The following ATP6V1A variants were observed in gnomAD, a reference collection of about 807,000 sequenced individuals.
The protein encoded by ATP6V1A is ATPase H+ transporting V1 subunit A.
Under a neutral mutation model 70.1 loss-of-function variants are expected in ATP6V1A, and 18 were observed. The ratio of observed to expected loss-of-function variants is 0.26; its 90% CI spans 0.18 to 0.38. The LOEUF (loss-of-function observed/expected upper bound fraction) is 0.38. Ranked by LOEUF, ATP6V1A falls within the 10% of genes least tolerant of loss-of-function variation. ATP6V1A has a pLI of 1.00. For missense variants in ATP6V1A, 424 were observed against 772.4 expected, an observed-to-expected ratio of 0.55 and a Z score of 5.35; for synonymous variants, 232 against 253.8, an observed-to-expected ratio of 0.91 and a Z score of 0.82.
intron 5 of ATP6V1A, 135 bp downstream of exon 5, chr3:113,784,968 GT>G (rs1034359132): frequency 3.3e-5 from 31 of 938,202 alleles, no homozygotes; most frequent in Non-Finnish European, 4.5e-5. Flanking sequence ...ATTTTTGAAA[GT>G]TTTTGTTTGT....
intron 1 of ATP6V1A, among the ~76,000 whole-genome samples, chr3:113,760,959 C>T (rs773738218): frequency 1.3e-5 from 2 of 151,546 alleles, no homozygotes; most frequent in African/African-American, 2.4e-5. Flanking sequence ...CTCAGCTATT[C>T]GGGAGGCGGA....
At chr3:113,782,296 C>T (rs935218028) in intron 3 of ATP6V1A, among the ~76,000 whole-genome samples, 4 of 151,724 alleles carry the variant, frequency 2.6e-5, no homozygotes, top group Non-Finnish European at 5.9e-5. Context: ...TTACTTTTAT[C>T]TTTTAATCTG....
intron 1 of ATP6V1A, among the ~76,000 whole-genome samples, chr3:113,762,297 A>G (rs1342959673): frequency 1.3e-5 from 2 of 151,392 alleles, no homozygotes; most frequent in African/African-American, 4.9e-5. Context: ...GGCTGGGCAC[A>G]GCAGCTCACG....
intron 14 of ATP6V1A, among the ~76,000 whole-genome samples, chr3:113,807,457 A>G (rs1709289062): frequency 6.6e-6 from 1 of 152,154 alleles, no homozygotes; most frequent in African/African-American, 2.4e-5. Context: ...CTGGGATTAC[A>G]GACATGAGCC....
chr3:113,781,039 G>A lies in ATP6V1A; in HGVS notation c.83-11G>A. ...TCTTAAGTCATCAAAATAGTCTTTT[G>A]TTCTCTTCAGTGGTTACAGCCTGTG... On this transcript the variant is annotated splice_polypyrimidine_tract_variant and intron_variant, in intron 2 of 14. Transcript: ENST00000273398. 1 of 1,590,924 alleles carries A rather than the reference G, an allele frequency of 6.3e-7. No individual in the cohort carries two copies. The highest frequency in any genetic ancestry group is 8.5e-7 in the Non-Finnish European group (1 of 1,171,980).
chr3:113,777,377 G>A (rs537410158), intron 1 of ATP6V1A, among the ~76,000 whole-genome samples: 2 of 152,276 alleles, frequency 1.3e-5, no homozygotes, highest in South Asian at 4.1e-4. Flanking sequence ...AAGTGCTATG[G>A]TATAAAATAG....
At chr3:113,781,500 A>G (rs1047828781) in intron 3 of ATP6V1A, among the ~76,000 whole-genome samples, 21 of 152,222 alleles carry the variant, frequency 1.4e-4, no homozygotes, top group Admixed American at 3.3e-4. Context: ...CCTGGGCAAC[A>G]GAGTGAGACT....
intron 14 of ATP6V1A, among the ~76,000 whole-genome samples, chr3:113,806,761 T>G (rs903952912): frequency 1.3e-5 from 2 of 152,124 alleles, no homozygotes; most frequent in Admixed American, 1.3e-4. Flanking sequence ...CATCCAGCCA[T>G]TTTTTAACTT....
chr3:113,769,188 C>T (rs372236722), intron 1 of ATP6V1A, among the ~76,000 whole-genome samples: 3 of 152,146 alleles, frequency 2.0e-5, no homozygotes, highest in Non-Finnish European at 4.4e-5. Context: ...ATGACTAGCA[C>T]TATACTCTAA....
chr3:113,797,468 C>G (rs899690275), intron 11 of ATP6V1A, among the ~76,000 whole-genome samples: 1 of 151,304 alleles, frequency 6.6e-6, no homozygotes, highest in African/African-American at 2.4e-5. Context: ...GTTGGCCAGG[C>G]TGGTCTCGAA....
chr3:113,795,830 C>G, intron 10 of ATP6V1A, 46 bp from the exon 11 acceptor site: 1 of 1,474,712 alleles, frequency 6.8e-7, no homozygotes, highest in Non-Finnish European at 9.3e-7. Flanking sequence ...ATAAGCATTT[C>G]TAATGACCAT....
intron 3 of ATP6V1A, among the ~76,000 whole-genome samples, chr3:113,781,699 T>C (rs985243249): frequency 7.9e-5 from 12 of 152,334 alleles, no homozygotes; most frequent in Non-Finnish European, 1.8e-4. Flanking sequence ...AATTAGTATC[T>C]TCTGAACTTT....
chr3:113,756,672 T>C (rs561945101), intron 1 of ATP6V1A, among the ~76,000 whole-genome samples: 1 of 152,354 alleles, frequency 6.6e-6, no homozygotes, highest in South Asian at 2.1e-4. Context: ...TAGATATAAC[T>C]TGAAATACTC....
intron 14 of ATP6V1A, among the ~76,000 whole-genome samples, chr3:113,806,554 G>A (rs1213276870): frequency 6.6e-6 from 1 of 152,072 alleles, no homozygotes; most frequent in African/African-American, 2.4e-5. Flanking sequence ...CACCTCCTGG[G>A]TTCAAGCGAT....
chr3:113,769,512 A>G (rs1577084274), intron 1 of ATP6V1A, among the ~76,000 whole-genome samples: 2 of 152,176 alleles, frequency 1.3e-5, no homozygotes, highest in South Asian at 2.1e-4. Flanking sequence ...AGTAAATATT[A>G]CCTTGGAATC....
chr3:113,747,727 C>G (rs1708539148), intron 1 of ATP6V1A, among the ~76,000 whole-genome samples: 1 of 152,138 alleles, frequency 6.6e-6, no homozygotes, highest in Non-Finnish European at 1.5e-5. Context: ...AGGGCTTTTA[C>G]TTTTTCTTCT....
At chr3:113,756,265 G>A (rs1188755475) in intron 1 of ATP6V1A, among the ~76,000 whole-genome samples, 1 of 152,154 alleles carries the variant, frequency 6.6e-6, no homozygotes, top group Non-Finnish European at 1.5e-5. Flanking sequence ...TATTTAACCA[G>A]CCTCCATATT....
At chr3:113,803,288 A>G (rs1310679455) in intron 12 of ATP6V1A, 8 of 231,072 alleles carry the variant, frequency 3.5e-5, no homozygotes, top group South Asian at 1.3e-4. Flanking sequence ...GTTACTGTTT[A>G]ATGGATGTTT....
intron 1 of ATP6V1A, among the ~76,000 whole-genome samples, chr3:113,773,874 T>C (rs1457186366): frequency 6.6e-6 from 1 of 152,208 alleles, no homozygotes; most frequent in Non-Finnish European, 1.5e-5. Flanking sequence ...AGCACATATG[T>C]CACCTTATAA....
Sources: gnomAD v4.1 joint callset for allele counts (sites outside exome capture counted in the v4.1 genomes callset) on GRCh38, gnomAD v4.1.1 for gene constraint, MANE v1.5 for transcripts, NCBI Gene and HGNC (gene_info 2026-07-23, HGNC 2026-07-21) for gene names.